URB1: variants seen among roughly 807,000 people sequenced by gnomAD.
URB1 encodes nucleolar pre-ribosomal-associated protein 1.
In URB1, 197 loss-of-function variants were observed where a neutral mutation model predicts 242.3. The ratio of observed to expected loss-of-function variants is 0.81; its 90% CI spans 0.72 to 0.91. The LOEUF (loss-of-function observed/expected upper bound fraction) is 0.91, where lower values mean the gene tolerates loss of function less well. URB1 is among the 40% of genes least tolerant of loss of function. The pLI, the probability that URB1 is intolerant of heterozygous loss-of-function variation, is 0.00. For missense variants in URB1, 2,721 were observed against 2,860.5 expected, an observed-to-expected ratio of 0.95 and a Z score of 1.11; for synonymous variants, 1,153 against 1,201.8, an observed-to-expected ratio of 0.96 and a Z score of 0.84.
rs1179966424 is a variant in URB1, at chr21:32,349,487, T to G, written c.2833-4A>C. The G allele has an allele frequency of 3.8e-5, 58 of 1,542,372 alleles. No homozygotes were observed. The highest frequency in any genetic ancestry group is 4.9e-5 in the Non-Finnish European group (56 of 1,143,588). ...GCGGGCCCACACTTCTGCCCAGCTG[T>G]GAGGACAAGAGCACGAGCCTCAGCA... On this transcript the variant is annotated splice_polypyrimidine_tract_variant and splice_region_variant and intron_variant, in intron 20 of 38. Transcript: ENST00000382751.
intron 20 of URB1, among the ~76,000 whole-genome samples, chr21:32,350,265 C>G (rs1386220610): frequency 6.6e-6 from 1 of 152,192 alleles, no homozygotes; most frequent in Non-Finnish European, 1.5e-5. Flanking sequence ...GAGAACCCAT[C>G]TCTTCAAAAA....
chr21:32,324,722 G>C, intron 31 of URB1, 120 bp from the exon 32 acceptor site: 1 of 689,686 alleles, frequency 1.4e-6, no homozygotes, highest in South Asian at 1.8e-5. Flanking sequence ...TATCCCAGGG[G>C]CCACTGAAGA....
At chr21:32,323,197 T>A (rs1416730973) in intron 32 of URB1, among the ~76,000 whole-genome samples, 1 of 152,134 alleles carries the variant, frequency 6.6e-6, no homozygotes, top group East Asian at 1.9e-4. Flanking sequence ...TGCCAATTAT[T>A]TTCTTCCCCT....
At chr21:32,353,141 C>T (rs2033177669) in intron 18 of URB1, among the ~76,000 whole-genome samples, 1 of 152,142 alleles carries the variant, frequency 6.6e-6, no homozygotes, top group African/African-American at 2.4e-5. Context: ...GGAGTGAAGA[C>T]CCAGGCATGT....
Position 32,337,490 on chromosome 21 carries a change from G to A in URB1, c.4535C>T (p.Thr1512Met), listed in dbSNP as rs955225129. ...VKEALVDLML[T>M]VVEMCPSVCE... ...GACAGAGGGGCACATCTCCACCACC[G>A]TCAGCATCAGGTCCACCAGCGCTTC... Residue 1512 changes from threonine to methionine, a missense_variant, in exon 27 of 39, where the codon ACG (threonine) becomes ATG (methionine). Thr to Met is a moderately conservative substitution (Grantham distance 81). Coordinates refer to ENST00000382751, the MANE Select transcript of URB1 (RefSeq NM_014825.3). 1.1e-5 allele frequency: 17 copies of A among 1,551,284 alleles called. No homozygotes were observed. The highest frequency in any genetic ancestry group is 4.1e-5 in the African/African-American group (3 of 72,944).
Position 32,339,187 on chromosome 21 carries a change from C to T in URB1, c.4317-287G>A, listed in dbSNP as rs1015868926. On this transcript the variant is annotated intron_variant, in intron 25 of 38. Transcript: ENST00000382751. ...TTTTGTATTTTTAGTAGAGACGTGA[C>T]TTCACCATGTTGGCCAGGTTGGGCT... 1.4e-4 allele frequency among the ~76,000 whole-genome samples: 21 copies of T among 152,150 alleles called. No individual in the cohort carries two copies. The East Asian group carries it at 4.1e-3, about 30-fold the overall frequency.
chr21:32,361,183 G>GAAAGAAAGAAAGAA (rs2033282580), intron 12 of URB1, 60 bp from the exon 13 acceptor site: 2 of 810,288 alleles, frequency 2.5e-6, no homozygotes, highest in Admixed American at 6.2e-5. Context: ...AAGAAAGAAA[G>GAAAGAAAGAAAGAA]AAAGAAAGAA....
intron 10 of URB1, 54 bp downstream of exon 10, chr21:32,366,564 C>T (rs2033348954): frequency 6.5e-7 from 1 of 1,546,096 alleles, no homozygotes; most frequent in South Asian, 1.2e-5. Flanking sequence ...CATCATGTAG[C>T]CAGCGAGTTT....
At position 32,361,129 on chromosome 21, in the gene URB1, C is replaced by T. The variant is rs1247912907; in HGVS notation, c.1640-6G>A. 1.8e-6 allele frequency: 2 copies of T among 1,104,250 alleles called. No individual in the cohort carries two copies. The highest frequency in any genetic ancestry group is 2.2e-6 in the Non-Finnish European group (2 of 895,136). The allele number at this position is 1,104,250 out of a possible 1,614,324, so 68.4% of individuals were successfully genotyped here. On this transcript the variant is annotated splice_polypyrimidine_tract_variant and splice_region_variant and intron_variant, in intron 12 of 38. Transcript: ENST00000382751. Reference sequence around the variant, plus strand: ...AAGAATGGTTTCTGCATCATCTGCACAAAAAAAAGAAAAAGAAAGAAAAAG... The same window carrying T: ...AAGAATGGTTTCTGCATCATCTGCATAAAAAAAAGAAAAAGAAAGAAAAAG...
chr21:32,383,402 A>C lies in URB1; in HGVS notation c.567+20T>G. 4 of 1,546,818 alleles carry C rather than the reference A, an allele frequency of 2.6e-6. No homozygotes were observed. The East Asian group carries it at 9.8e-5, about 38-fold the overall frequency. ...GGGAAGGAGACCCATGGAAGGCACG[A>C]GACACTGTGGTCCCCTCACCTTTGA... On this transcript the variant is annotated intron_variant, in intron 4 of 38. Transcript: ENST00000382751.
intron 30 of URB1, among the ~76,000 whole-genome samples, chr21:32,330,772 G>A (rs931614461): frequency 2.0e-5 from 3 of 152,166 alleles, no homozygotes; most frequent in African/African-American, 4.8e-5. Flanking sequence ...GCTTAAAATC[G>A]CCATCAGGGC....
chr21:32,313,123 T>C lies in URB1; in HGVS notation c.*1795A>G, dbSNP rs370079753. ...TTGGAGCATTTGTCGCCACCTGACG[T>C]AGTATGTATTGACTTGCTGGGCCCT... On this transcript the variant is annotated 3_prime_UTR_variant, in exon 39 of 39. Transcript: ENST00000382751. The C allele has an allele frequency of 6.6e-6, 1 of 152,162 alleles. No individual in the cohort carries two copies. The highest frequency in any genetic ancestry group is 1.9e-4 in the East Asian group (1 of 5,190). The allele number at this position is 152,162 out of a possible 1,614,324, so 9.4% of individuals were successfully genotyped here.
chr21:32,356,446 C>T (rs1024180190), intron 15 of URB1, among the ~76,000 whole-genome samples: 1 of 152,114 alleles, frequency 6.6e-6, no homozygotes, highest in African/African-American at 2.4e-5. Context: ...CATCGTTTAT[C>T]CTCATTTCCT....
chr21:32,384,528 C>T lies in URB1; in HGVS notation c.283-64G>A. The T allele has an allele frequency of 2.0e-6, 3 of 1,507,586 alleles. No homozygotes were observed. The South Asian group carries it at 3.8e-5, about 19-fold the overall frequency. 93.4% of individuals were successfully genotyped at this position (1,507,586 alleles called of 1,614,324 possible). Reference sequence around the variant, plus strand: ...TTTCCTTTCCTCCTGTACATATATGCTCCTTTTGTCTTAGCCATAGTTACT... The same window carrying T: ...TTTCCTTTCCTCCTGTACATATATGTTCCTTTTGTCTTAGCCATAGTTACT... On this transcript the variant is annotated intron_variant, in intron 2 of 38. Coordinates refer to ENST00000382751, the MANE Select transcript of URB1 (RefSeq NM_014825.3).
intron 4 of URB1, among the ~76,000 whole-genome samples, chr21:32,380,040 G>A (rs1270634366): frequency 6.6e-6 from 1 of 151,604 alleles, no homozygotes; most frequent in Non-Finnish European, 1.5e-5. Flanking sequence ...ACTGAGATAA[G>A]AAGTAATTGT....
chr21:32,350,996 A>G (rs2033151255), intron 19 of URB1, 74 bp from the exon 20 acceptor site: 1 of 1,401,372 alleles, frequency 7.1e-7, no homozygotes, highest in African/African-American at 1.4e-5. Flanking sequence ...AGGCACAGGT[A>G]ACACACAACA....
At chr21:32,342,565 T>C (rs1474981830) in intron 24 of URB1, among the ~76,000 whole-genome samples, 1 of 152,012 alleles carries the variant, frequency 6.6e-6, no homozygotes, top group Non-Finnish European at 1.5e-5. Context: ...CCACTACTGA[T>C]CAGCACAGGA....
intron 30 of URB1, among the ~76,000 whole-genome samples, chr21:32,332,339 C>G (rs990660935): frequency 1.3e-5 from 2 of 151,612 alleles, no homozygotes; most frequent in African/African-American, 2.4e-5. Context: ...AAAGCTTTTG[C>G]TCTGTGAAAG....
rs1333942667 is a variant in URB1, at chr21:32,355,519, T to C, written c.2036A>G (p.Glu679Gly). The C allele has an allele frequency of 5.8e-6, 9 of 1,551,770 alleles. No homozygotes were observed. The highest frequency in any genetic ancestry group is 7.8e-6 in the Non-Finnish European group (9 of 1,147,006). Residue 679 changes from glutamate to glycine, a missense_variant, in exon 16 of 39, where the codon GAG (glutamate) becomes GGG (glycine). Glu to Gly is a moderately conservative substitution (Grantham distance 98, BLOSUM62 -2). Transcript: ENST00000382751. ...GVFEHTWKEL[E>G]LWLEHLENTM... Reference sequence around the variant, plus strand: ...GTTCTCTAAATGCTCCAGCCAGAGCTCCAGCTCCTTCCAGGTGTGCTCAAA... The same window carrying C: ...GTTCTCTAAATGCTCCAGCCAGAGCCCCAGCTCCTTCCAGGTGTGCTCAAA...
Sources: gnomAD v4.1 joint callset for allele counts (sites outside exome capture counted in the v4.1 genomes callset) on GRCh38, gnomAD v4.1.1 for gene constraint, MANE v1.5 for transcripts, NCBI Gene and HGNC (gene_info 2026-07-23, HGNC 2026-07-21) for gene names.